Variants in JAZF1 observed in about 807,000 individuals in gnomAD.
JAZF1 encodes the protein JAZF zinc finger 1.
JAZF1 carries 8 observed loss-of-function variants against 26.4 expected under a neutral mutation model. The ratio of observed to expected loss-of-function variants is 0.30; its 90% CI spans 0.18 to 0.55. The LOEUF is 0.55. Among genes scored for constraint, JAZF1 ranks in the 20% least tolerant of loss-of-function variants. JAZF1 has a pLI of 0.94. For missense variants in JAZF1, 199 were observed against 322.0 expected (o/e 0.62, Z 2.92); for synonymous variants, 126 against 122.3 (o/e 1.03, Z -0.20).
At chr7:27,899,415 G>A (rs1784127791) in intron 2 of JAZF1, among the ~76,000 whole-genome samples, 2 of 152,182 alleles carry the variant, frequency 1.3e-5, no homozygotes, top group South Asian at 4.1e-4. Flanking sequence ...TGATCTTTCT[G>A]AAGCCCTCAG....
chr7:27,946,824 G>GTT (rs1784930614), intron 2 of JAZF1, among the ~76,000 whole-genome samples: 1 of 152,218 alleles, frequency 6.6e-6, no homozygotes, highest in Admixed American at 6.5e-5. Flanking sequence ...GTGAGGAAGG[G>GTT]TTTTGTTGTC....
At chr7:28,168,148 C>T (rs1275113003) in intron 1 of JAZF1, among the ~76,000 whole-genome samples, 2 of 151,934 alleles carry the variant, frequency 1.3e-5, no homozygotes, top group African/African-American at 2.4e-5. Context: ...TTTGGGAGGC[C>T]GAGGCGGGTG....
At chr7:27,841,715 C>G (rs75262451) in intron 3 of JAZF1, 2,129 of 152,284 alleles carry the variant, frequency 0.014, 47 homozygotes, top group African/African-American at 0.045. Flanking sequence ...TGCAAGACGG[C>G]AGGGATGGAG....
intron 2 of JAZF1, among the ~76,000 whole-genome samples, chr7:27,944,771 T>G (rs1784901250): frequency 6.6e-6 from 1 of 152,160 alleles, no homozygotes; most frequent in Admixed American, 6.5e-5. Flanking sequence ...AAAACACATG[T>G]CAGCAGTTAG....
chr7:28,066,458 C>A (rs1323445927), intron 1 of JAZF1, among the ~76,000 whole-genome samples: 1 of 151,910 alleles, frequency 6.6e-6, no homozygotes, highest in Non-Finnish European at 1.5e-5. Context: ...AAAAAATTAG[C>A]CAGGTATGGT....
intron 2 of JAZF1, among the ~76,000 whole-genome samples, chr7:27,952,576 C>A (rs918025330): frequency 9.2e-5 from 14 of 152,186 alleles, no homozygotes; most frequent in Non-Finnish European, 1.9e-4. Flanking sequence ...AAGTTAAATC[C>A]CTTTAGGCCT....
intron 2 of JAZF1, among the ~76,000 whole-genome samples, chr7:27,970,805 TC>T (rs1785361174): frequency 6.6e-6 from 1 of 152,262 alleles, no homozygotes; most frequent in Non-Finnish European, 1.5e-5. Context: ...TTCTTTGGAA[TC>T]TTACATATTT....
intron 2 of JAZF1, among the ~76,000 whole-genome samples, chr7:27,898,013 C>T (rs532665437): frequency 6.6e-6 from 1 of 152,192 alleles, no homozygotes; most frequent in Non-Finnish European, 1.5e-5. Context: ...TACCAAGTGG[C>T]TCAAAATGCA....
At chr7:28,044,221 CTTCTT>C (rs1783454405) in intron 1 of JAZF1, among the ~76,000 whole-genome samples, 1 of 152,188 alleles carries the variant, frequency 6.6e-6, no homozygotes, top group Non-Finnish European at 1.5e-5. Flanking sequence ...TATCTCATCT[CTTCTT>C]AGCTAGTAAG....
chr7:27,850,088 A>T (rs536206605), intron 3 of JAZF1, among the ~76,000 whole-genome samples: 1 of 152,360 alleles, frequency 6.6e-6, no homozygotes, highest in Non-Finnish European at 1.5e-5. Context: ...TATCATTAAT[A>T]TTCATGTAAA....
chr7:28,051,148 A>AC (rs1162416526), intron 1 of JAZF1, among the ~76,000 whole-genome samples: 5 of 149,732 alleles, frequency 3.3e-5, no homozygotes, highest in South Asian at 2.1e-4. Flanking sequence ...AAAAAAAAAA[A>AC]AAAAAAAACA....
At chr7:28,128,189 C>T (rs1037078964) in intron 1 of JAZF1, among the ~76,000 whole-genome samples, 8 of 152,074 alleles carry the variant, frequency 5.3e-5, no homozygotes, top group African/African-American at 1.9e-4. Flanking sequence ...GAAGTCTGGT[C>T]CCTAGAGTAG....
Position 27,831,531 on chromosome 7 carries a change from T to G in JAZF1, c.*1269A>C. 1 of 228,518 alleles carries G rather than the reference T, an allele frequency of 4.4e-6. No individual in the cohort carries two copies. The highest frequency in any genetic ancestry group is 8.7e-6 in the Non-Finnish European group (1 of 114,720). 14.2% of individuals were successfully genotyped at this position (228,518 alleles called of 1,614,324 possible). On this transcript the variant is annotated 3_prime_UTR_variant, in exon 5 of 5. Coordinates refer to ENST00000283928, the MANE Select transcript of JAZF1 (RefSeq NM_175061.4). The stretch of plus-strand genomic sequence containing the variant: ...AAGGAATGGTCCAGATGTAGATTAC[T>G]CTAATAGGTCGTATTAGTCATGCTT...
intron 2 of JAZF1, among the ~76,000 whole-genome samples, chr7:27,904,572 CTA>C (rs1784217919): frequency 6.6e-6 from 1 of 152,072 alleles, no homozygotes; most frequent in South Asian, 2.1e-4. Flanking sequence ...TTAAATAATC[CTA>C]TGTTTCACTT....
rs148347331 is a variant in JAZF1 at position 28,014,037 on chromosome 7, C to A, written c.116-22056G>T. 3.6e-3 allele frequency among the ~76,000 whole-genome samples: 516 copies of A among 144,906 alleles called. 1 individual carries two copies. Among genetic ancestry groups the A allele is most frequent in the African/African-American group, 0.013 (496 of 39,098 alleles). On this transcript the variant is annotated intron_variant, in intron 1 of 4. Coordinates refer to ENST00000283928, the MANE Select transcript of JAZF1 (RefSeq NM_175061.4). ...AACCCATGGCTGCTAGTTAAATCAA[C>A]TGAGGCAGTGGATTCTACAGCTGTA...
At chr7:27,918,820 T>C (rs1417944064) in intron 2 of JAZF1, among the ~76,000 whole-genome samples, 1 of 151,566 alleles carries the variant, frequency 6.6e-6, no homozygotes, top group Non-Finnish European at 1.5e-5. Flanking sequence ...ACAGTGGTGA[T>C]AAGAGAAAAA....
At chr7:28,048,224 TACAAACC>T (rs1335211795) in intron 1 of JAZF1, among the ~76,000 whole-genome samples, 2 of 152,206 alleles carry the variant, frequency 1.3e-5, no homozygotes, top group African/African-American at 4.8e-5. Flanking sequence ...AGAAAAATTT[TACAAACC>T]TTTGGTTCTA....
intron 2 of JAZF1, among the ~76,000 whole-genome samples, chr7:27,925,709 G>C (rs935056548): frequency 6.6e-6 from 1 of 152,224 alleles, no homozygotes; most frequent in African/African-American, 2.4e-5. Flanking sequence ...TTACAGGCAT[G>C]AGCCATGTGC....
At chr7:27,964,640 G>GTT (rs11450000) in intron 2 of JAZF1, among the ~76,000 whole-genome samples, 229 of 146,066 alleles carry the variant, frequency 1.6e-3, no homozygotes, top group African/African-American at 5.2e-3. Flanking sequence ...ATCAGAAAAA[G>GTT]TTTTTTTTTT....
Sources: gnomAD v4.1 joint callset for allele counts (sites outside exome capture counted in the v4.1 genomes callset) on GRCh38, gnomAD v4.1.1 for gene constraint, MANE v1.5 for transcripts, NCBI Gene and HGNC (gene_info 2026-07-23, HGNC 2026-07-21) for gene names.